The following FABP6 variants were observed in gnomAD, a reference collection of about 807,000 sequenced individuals.
The protein encoded by FABP6 is gastrotropin.
Under a neutral mutation model 14.9 loss-of-function variants are expected in FABP6, and 13 were observed. The observed-to-expected ratio is 0.87, with a 90% CI of 0.57 to 1.39. FABP6 has a LOEUF of 1.39. Among genes scored for constraint, FABP6 ranks in the 40% most tolerant of loss-of-function variants. FABP6 has a pLI of 0.00. For synonymous variants in FABP6, 75 were observed against 63.6 expected, an observed-to-expected ratio of 1.18 and a Z score of -0.85; for missense variants, 161 against 167.2, an observed-to-expected ratio of 0.96 and a Z score of 0.20.
rs111375312 is a variant in FABP6, at chr5:160,202,239, T to C, written c.51+3082T>C. On this transcript the variant is annotated intron_variant, in intron 2 of 6. Coordinates refer to the FABP6 transcript ENST00000393980. The stretch of plus-strand genomic sequence containing the variant: ...GAAGTGCCATGAAGGAGAAGTGGCA[T>C]GGCAGCATAGAAAAGGGACCTGAAC... 4.8e-3 allele frequency among the ~76,000 whole-genome samples: 735 copies of C among 152,310 alleles called. 6 individuals are homozygous for C. Among genetic ancestry groups the C allele is most frequent in the Non-Finnish European group, 4.6e-3 (315 of 68,026 alleles).
At chr5:160,214,384 T>C (rs1181295171) in intron 3 of FABP6, among the ~76,000 whole-genome samples, 1 of 151,918 alleles carries the variant, frequency 6.6e-6, no homozygotes, top group Non-Finnish European at 1.5e-5. Context: ...AGGCTGGTCT[T>C]GCACTCTTGG....
chr5:160,207,904 A>T (rs906057049), intron 2 of FABP6, among the ~76,000 whole-genome samples: 7 of 152,034 alleles, frequency 4.6e-5, no homozygotes, highest in African/African-American at 1.4e-4. Context: ...TTGTATTTTT[A>T]GTAGAGACGG....
intron 1 of FABP6, among the ~76,000 whole-genome samples, chr5:160,191,728 G>A (rs1330536747): frequency 1.3e-5 from 2 of 151,042 alleles, no homozygotes; most frequent in South Asian, 2.1e-4. Flanking sequence ...TTGGGAGGCC[G>A]AGGCGGGCAG....
intron 1 of FABP6, among the ~76,000 whole-genome samples, chr5:160,192,249 A>G (rs1404696973): frequency 1.3e-5 from 2 of 151,436 alleles, no homozygotes; most frequent in African/African-American, 4.9e-5. Context: ...CTAATCTTGA[A>G]CTCCTGGGCT....
At chr5:160,191,178 A>G (rs1759385993) in intron 1 of FABP6, among the ~76,000 whole-genome samples, 3 of 151,460 alleles carry the variant, frequency 2.0e-5, no homozygotes, top group Admixed American at 2.0e-4. Context: ...ATAAAACCCC[A>G]AACCTGGCCA....
At chr5:160,213,847 G>C in intron 3 of FABP6, 9 of 1,558,146 alleles carry the variant, frequency 5.8e-6, no homozygotes, top group Non-Finnish European at 8.0e-6. Context: ...GGAGGGAAGG[G>C]TTCCTGACGT....
intron 3 of FABP6, among the ~76,000 whole-genome samples, chr5:160,214,545 C>T (rs1004975806): frequency 6.6e-6 from 1 of 150,568 alleles, no homozygotes; most frequent in African/African-American, 2.4e-5. Context: ...AACTTCTGGA[C>T]TCAAGTGATC....
chr5:160,221,470 G>A (rs79901021), intron 3 of FABP6, among the ~76,000 whole-genome samples: 2 of 152,134 alleles, frequency 1.3e-5, no homozygotes, highest in Non-Finnish European at 2.9e-5. Flanking sequence ...CCTCCAAGAC[G>A]AGAGACCCCA....
intron 3 of FABP6, among the ~76,000 whole-genome samples, chr5:160,237,169 C>T (rs1284714375): frequency 6.6e-6 from 1 of 152,062 alleles, no homozygotes; most frequent in Non-Finnish European, 1.5e-5. Flanking sequence ...CAAAGCTCCC[C>T]AGCCTGTGAG....
intron 2 of FABP6, among the ~76,000 whole-genome samples, chr5:160,203,331 C>G (rs958582934): frequency 3.9e-5 from 6 of 152,216 alleles, no homozygotes; most frequent in African/African-American, 1.4e-4. Flanking sequence ...CATGCTGTCT[C>G]AGGTTGACTG....
chr5:160,199,125 A>G, exon 2 of FABP6: 1 of 1,614,176 alleles, frequency 6.2e-7, no homozygotes, highest in Non-Finnish European at 8.5e-7. Context: ...AGTGACGATG[A>G]TGATGGTGGT....
At chr5:160,223,877 A>G (rs188820219) in intron 3 of FABP6, among the ~76,000 whole-genome samples, 2,608 of 149,312 alleles carry the variant, frequency 0.017, 65 homozygotes, top group African/African-American at 0.06. Context: ...AGGTGGGAGG[A>G]TCGCATGAGC....
At chr5:160,238,509 T>A (rs1760567664) in intron 3 of FABP6, 97 bp from the exon 4 acceptor site, 1 of 1,057,740 alleles carries the variant, frequency 9.5e-7, no homozygotes, top group East Asian at 2.4e-5. Flanking sequence ...TCTTATCTAC[T>A]CAAGGCCGGG....
chr5:160,223,376 TCC>T (rs1760172489), intron 3 of FABP6, among the ~76,000 whole-genome samples: 1 of 51,136 alleles, frequency 2.0e-5, no homozygotes, highest in South Asian at 7.8e-4. Flanking sequence ...CCTCCCTCCC[TCC>T]CTCCCTCTCT....
chr5:160,213,645 G>A (rs6556482), intron 2 of FABP6: 957,214 of 1,053,888 alleles, frequency 0.91, 435,946 homozygotes, highest in African/African-American at 0.98. Context: ...GCTGCTATGA[G>A]GAGCTCTGCC....
At chr5:160,236,841 G>T (rs28436654) in intron 3 of FABP6, among the ~76,000 whole-genome samples, 25,110 of 151,364 alleles carry the variant, frequency 0.17, 2,348 homozygotes, top group Admixed American at 0.24. Context: ...AATTAGCCAG[G>T]TGTGGTGGTG....
intron 1 of FABP6, among the ~76,000 whole-genome samples, chr5:160,190,310 G>A (rs1759368690): frequency 6.6e-6 from 1 of 151,518 alleles, no homozygotes; most frequent in African/African-American, 2.4e-5. Flanking sequence ...TCGGCTCACC[G>A]CAACCTCCAC....
At chr5:160,191,325 G>T (rs1759389389) in intron 1 of FABP6, among the ~76,000 whole-genome samples, 1 of 151,802 alleles carries the variant, frequency 6.6e-6, no homozygotes, top group Non-Finnish European at 1.5e-5. Flanking sequence ...AAATTAGCCA[G>T]GCATGGTGGC....
At chr5:160,220,447 A>AGT (rs1411997267) in intron 3 of FABP6, among the ~76,000 whole-genome samples, 1 of 152,002 alleles carries the variant, frequency 6.6e-6, no homozygotes, top group Admixed American at 6.6e-5. Context: ...CGTCTCTACT[A>AGT]AAAGTTAAAA....
Sources: allele counts gnomAD v4.1 joint callset (sites outside exome capture counted in the v4.1 genomes callset), GRCh38; gene constraint gnomAD v4.1.1; transcripts MANE v1.5; gene names NCBI Gene and HGNC (gene_info 2026-07-23, HGNC 2026-07-21).